The following PIK3C2G variants were observed in gnomAD, a reference collection of about 807,000 sequenced individuals.
PIK3C2G encodes the protein phosphatidylinositol 3-kinase C2 domain-containing subunit gamma.
A neutral mutation model predicts 181.1 loss-of-function variants in PIK3C2G; 168 were observed. That is an observed-to-expected ratio of 0.93 (90% CI 0.82 to 1.05). The LOEUF (loss-of-function observed/expected upper bound fraction) is 1.05. Among genes scored for constraint, PIK3C2G ranks in the 50% least tolerant of loss-of-function variants. The pLI is 0.00. For synonymous variants in PIK3C2G, 573 were observed against 592.2 expected (o/e 0.97, Z 0.47); for missense variants, 1,869 against 1,732.8 (o/e 1.08, Z -1.40).
intron 26 of PIK3C2G, among the ~76,000 whole-genome samples, chr12:18,559,226 C>A (rs926689640): frequency 6.6e-5 from 10 of 152,196 alleles, no homozygotes; most frequent in Non-Finnish European, 1.2e-4. Flanking sequence ...TTTAAATGTC[C>A]CTAAATCTCT....
At chr12:18,532,724 C>G (rs1042714620) in intron 24 of PIK3C2G, among the ~76,000 whole-genome samples, 1 of 152,084 alleles carries the variant, frequency 6.6e-6, no homozygotes, top group African/African-American at 2.4e-5. Flanking sequence ...CTGTCTCTGA[C>G]AGTACCCTGT....
the PIK3C2G span, among the ~76,000 whole-genome samples, chr12:18,655,566 G>A: frequency 6.6e-6 from 1 of 152,118 alleles, no homozygotes; most frequent in Non-Finnish European, 1.5e-5. Flanking sequence ...ATATGGAAAA[G>A]AGGATTGGGG....
intron 4 of PIK3C2G, 53 bp from the exon 5 acceptor site, chr12:18,293,848 A>G (rs1949817666): frequency 1.2e-6 from 1 of 839,820 alleles, no homozygotes; most frequent in South Asian, 1.5e-5. Context: ...AACTTTTCCT[A>G]GTCAGTATAT....
Position 18,410,510 on chromosome 12 carries a change from G to GAAAAA in PIK3C2G, c.2316-10417_2316-10413dup, listed in dbSNP as rs1184793762. The stretch of plus-strand genomic sequence containing the variant: ...ACAGAGTGAGACTCCATCTCAGAAA[G>GAAAAA]AAAAAAAAAAAAAAAAAAGATTATT... On this transcript the variant is annotated intron_variant, in intron 16 of 32. Transcript: ENST00000538779. Among the ~76,000 whole-genome samples, 118 of 85,416 alleles carry GAAAAA rather than the reference G, an allele frequency of 1.4e-3. 1 individual carries two copies. The highest frequency in any genetic ancestry group is 4.7e-3 in the African/African-American group (115 of 24,214). 56.0% of individuals were successfully genotyped at this position (85,416 alleles called of 152,430 possible).
At chr12:18,291,861 TGAAAA>T (rs146553049) in intron 4 of PIK3C2G, among the ~76,000 whole-genome samples, 2,521 of 145,424 alleles carry the variant, frequency 0.017, 70 homozygotes, top group African/African-American at 0.06. Flanking sequence ...TGGTTGGAAA[TGAAAA>T]GAAACCAATT....
chr12:18,478,152 G>T (rs935917010), intron 18 of PIK3C2G, among the ~76,000 whole-genome samples: 3 of 152,098 alleles, frequency 2.0e-5, no homozygotes, highest in African/African-American at 7.2e-5. Context: ...ACTGAGCTGG[G>T]CACTCAGTTC....
chr12:18,250,052 T>C (rs1443792804), intron 1 of PIK3C2G, among the ~76,000 whole-genome samples: 1 of 152,126 alleles, frequency 6.6e-6, no homozygotes, highest in African/African-American at 2.4e-5. Flanking sequence ...TCACTCAATG[T>C]AACCAGAATT....
At chr12:18,285,447 AT>A (rs1237555933) in intron 2 of PIK3C2G, 47 of 152,080 alleles carry the variant, frequency 3.1e-4, no homozygotes, top group African/African-American at 1.1e-3. Context: ...ATGTTGAATA[AT>A]ACAAATGACT....
At chr12:18,245,982 T>G (rs560167755), upstream of PIK3C2G, among the ~76,000 whole-genome samples, 20 of 152,336 alleles carry the variant, frequency 1.3e-4, 1 homozygote, top group South Asian at 4.1e-3. Flanking sequence ...TTAAAATTTT[T>G]GGTAGCTTAT....
At chr12:18,603,652 A>G (rs6486908) in intron 30 of PIK3C2G, among the ~76,000 whole-genome samples, 2,462 of 152,266 alleles carry the variant, frequency 0.016, 64 homozygotes, top group African/African-American at 0.057. Flanking sequence ...AGGAAAAGCT[A>G]TCAGATTAAC....
In PIK3C2G at chr12:18,490,867, A is replaced by G. The variant is rs151113344; in HGVS notation, c.2686-584A>G. Among the ~76,000 whole-genome samples the G allele has an allele frequency of 3.9e-5, 6 of 152,352 alleles. No individual in the cohort carries two copies. In the East Asian group the frequency reaches 1.2e-3, roughly 29 times the overall value. ...TGTTGTTTGTGATATCTGAGCTGCC[A>G]TGAGTATAGTGGAGTGTAGGAATGA... On this transcript the variant is annotated intron_variant, in intron 19 of 32. Coordinates refer to ENST00000538779, the MANE Select transcript of PIK3C2G (RefSeq NM_001288772.2).
chr12:18,644,978 G>T (rs1950040010), intron 32 of PIK3C2G, among the ~76,000 whole-genome samples: 1 of 152,078 alleles, frequency 6.6e-6, no homozygotes, highest in African/African-American at 2.4e-5. Flanking sequence ...TTCTTGGAAT[G>T]TTCAGTATAT....
At chr12:18,676,790 A>C in the PIK3C2G span, among the ~76,000 whole-genome samples, 4 of 152,256 alleles carry the variant, frequency 2.6e-5, no homozygotes, top group South Asian at 2.1e-4. Context: ...AAAAACTAGA[A>C]GGTCAGAAGG....
intron 24 of PIK3C2G, among the ~76,000 whole-genome samples, chr12:18,517,048 CAG>C (rs1041027593): frequency 1.3e-4 from 16 of 125,538 alleles, no homozygotes; most frequent in African/African-American, 4.4e-4. Context: ...TTTTTTTTGA[CAG>C]TGTCAACTAT....
the PIK3C2G span, chr12:18,723,497 T>C: frequency 4.3e-6 from 7 of 1,612,886 alleles, no homozygotes; most frequent in Admixed American, 1.7e-5. Context: ...TAAATTGCTC[T>C]AAATTCTTCT....
chr12:18,708,235 T>C, the PIK3C2G span, among the ~76,000 whole-genome samples: 16 of 152,064 alleles, frequency 1.1e-4, no homozygotes, highest in Non-Finnish European at 2.4e-4. Context: ...CATTTGAGAG[T>C]TTTTTTTCTA....
chr12:18,423,569 G>C (rs1210964811), intron 17 of PIK3C2G, among the ~76,000 whole-genome samples: 5 of 152,116 alleles, frequency 3.3e-5, no homozygotes, highest in Non-Finnish European at 7.4e-5. Context: ...TTTCTGTTAA[G>C]GCTTTGAATG....
chr12:18,490,444 C>T (rs948340646), intron 19 of PIK3C2G, among the ~76,000 whole-genome samples: 2 of 152,112 alleles, frequency 1.3e-5, no homozygotes, highest in Non-Finnish European at 2.9e-5. Context: ...ATAGTTACCT[C>T]GTGCTAGCAA....
chr12:18,529,953 T>C (rs1299805951), intron 24 of PIK3C2G, among the ~76,000 whole-genome samples: 1 of 152,182 alleles, frequency 6.6e-6, no homozygotes, highest in Non-Finnish European at 1.5e-5. Flanking sequence ...CTGTTGTCTC[T>C]GTTCTATGCA....
Sources: gnomAD v4.1 joint callset for allele counts (sites outside exome capture counted in the v4.1 genomes callset) on GRCh38, gnomAD v4.1.1 for gene constraint, MANE v1.5 for transcripts, NCBI Gene and HGNC (gene_info 2026-07-23, HGNC 2026-07-21) for gene names.